Variants in NEBL observed in about 807,000 individuals in gnomAD.
NEBL encodes nebulette.
Under a neutral mutation model 140.2 loss-of-function variants are expected in NEBL, and 122 were observed. The observed-to-expected ratio is 0.87, with a 90% CI of 0.75 to 1.01. The LOEUF is 1.01. NEBL is among the 50% of genes least tolerant of loss of function. The pLI, the probability that NEBL is intolerant of heterozygous loss-of-function variation, is 0.00. For synonymous variants in NEBL, 436 were observed against 398.9 expected (o/e 1.09, Z -1.11); for missense variants, 1,365 against 1,231.3 (o/e 1.11, Z -1.62).
chr10:21,271,308 G>A (rs536578843), intron 1 of NEBL, among the ~76,000 whole-genome samples: 7 of 152,232 alleles, frequency 4.6e-5, no homozygotes, highest in South Asian at 2.1e-4. Flanking sequence ...CTAAAACTTC[G>A]ACTCCTAAAC....
At chr10:21,000,344 C>G (rs887966907) in intron 3 of NEBL, among the ~76,000 whole-genome samples, 1 of 152,054 alleles carries the variant, frequency 6.6e-6, no homozygotes, top group East Asian at 1.9e-4. Context: ...TGAGTGCTAG[C>G]TGGATGGGGT....
chr10:21,238,079 C>T (rs1464280136), intron 3 of NEBL, among the ~76,000 whole-genome samples: 1 of 152,160 alleles, frequency 6.6e-6, no homozygotes, highest in Non-Finnish European at 1.5e-5. Flanking sequence ...ATATGTTCAC[C>T]TAATGAATGC....
intron 19 of NEBL, among the ~76,000 whole-genome samples, chr10:20,820,508 C>T (rs1839192366): frequency 6.6e-6 from 1 of 152,200 alleles, no homozygotes. Flanking sequence ...GAAATCCCCA[C>T]AAGACCTGCA....
intron 3 of NEBL, among the ~76,000 whole-genome samples, chr10:20,991,773 T>G (rs1028189903): frequency 8.8e-5 from 2 of 22,742 alleles, no homozygotes; most frequent in African/African-American, 1.7e-4. Context: ...CCTCCCCCCC[T>G]CCCCTTTTTG....
intron 4 of NEBL, among the ~76,000 whole-genome samples, chr10:20,921,349 C>T (rs544094020): frequency 1.3e-5 from 2 of 152,324 alleles, no homozygotes; most frequent in Admixed American, 1.3e-4. Context: ...AGACCCTGAA[C>T]CTGAGCACTG....
rs776635424 is a variant in NEBL at position 21,289,462 on chromosome 10, ATT to A, written n.182+3366_182+3367del. Among the ~76,000 whole-genome samples the A allele has an allele frequency of 1.9e-3, 287 of 152,348 alleles. 1 individual carries two copies. The highest frequency in any genetic ancestry group is 3.2e-3 in the Non-Finnish European group (216 of 68,036). On this transcript the variant is annotated intron_variant and non_coding_transcript_variant, in intron 1 of 8. Coordinates refer to the NEBL transcript ENST00000675702. ...TTGTTTTTCTAAAATATGCTTTGGA[ATT>A]GTGCCCTTGGCTCACTTAGTTGCTT...
At chr10:20,792,223 T>C (rs1406051892) in intron 26 of NEBL, among the ~76,000 whole-genome samples, 1 of 152,070 alleles carries the variant, frequency 6.6e-6, no homozygotes, top group Non-Finnish European at 1.5e-5. Flanking sequence ...TTTTTTCCTA[T>C]GGGCTTACTT....
intron 3 of NEBL, among the ~76,000 whole-genome samples, chr10:21,001,215 A>C (rs1837882540): frequency 6.6e-6 from 1 of 152,186 alleles, no homozygotes. Context: ...AGAGACAAAA[A>C]GCTAACAGCA....
chr10:20,891,667 T>A (rs1847044586), intron 2 of NEBL, among the ~76,000 whole-genome samples: 1 of 152,208 alleles, frequency 6.6e-6, no homozygotes, highest in Admixed American at 6.5e-5. Flanking sequence ...AGCTCAGTCT[T>A]AATTGTAGAC....
chr10:20,920,111 T>C (rs1833510095), intron 4 of NEBL, among the ~76,000 whole-genome samples: 1 of 152,212 alleles, frequency 6.6e-6, no homozygotes, highest in South Asian at 2.1e-4. Flanking sequence ...TGACATTTTA[T>C]ACCTTTCAAA....
chr10:21,173,513 G>T lies in NEBL; in HGVS notation c.69+252C>A, dbSNP rs1049863091. Among the ~76,000 whole-genome samples the T allele has an allele frequency of 6.6e-6, 1 of 152,104 alleles. No individual in the cohort carries two copies. The highest frequency in any genetic ancestry group is 2.4e-5 in the African/African-American group (1 of 41,450). ...GGCTGCGCACCGCCGTGCGCCCTCC[G>T]CAGAGGCTCTGCCGATGTCGCACCG... On this transcript the variant is annotated intron_variant, in intron 1 of 6. Coordinates refer to the NEBL transcript ENST00000417816. The surrounding 1 kb of genome is among the most constrained non-coding windows in gnomAD (Gnocchi z 5.7).
chr10:20,911,422 C>T (rs909007882), intron 4 of NEBL, among the ~76,000 whole-genome samples: 2 of 152,118 alleles, frequency 1.3e-5, no homozygotes, highest in Non-Finnish European at 2.9e-5. Context: ...ATGGCTGAAA[C>T]CCACATTTTA....
chr10:21,164,146 C>T (rs1274749930), intron 2 of NEBL, among the ~76,000 whole-genome samples: 1 of 152,230 alleles, frequency 6.6e-6, no homozygotes, highest in Non-Finnish European at 1.5e-5. Flanking sequence ...GTTCCTAAAA[C>T]ATTCTGGGTA....
At chr10:20,968,556 T>G (rs151028038) in intron 3 of NEBL, among the ~76,000 whole-genome samples, 1 of 152,026 alleles carries the variant, frequency 6.6e-6, no homozygotes, top group South Asian at 2.1e-4. Context: ...GGAGGAATCA[T>G]AGAAGTTCAA....
At chr10:21,028,489 G>A (rs1375630184) in intron 2 of NEBL, among the ~76,000 whole-genome samples, 1 of 152,082 alleles carries the variant, frequency 6.6e-6, no homozygotes, top group African/African-American at 2.4e-5. Flanking sequence ...AACACACATT[G>A]TGTGGAATAA....
chr10:21,008,801 C>T (rs1184834642), intron 3 of NEBL, among the ~76,000 whole-genome samples: 1 of 152,074 alleles, frequency 6.6e-6, no homozygotes, highest in Non-Finnish European at 1.5e-5. Flanking sequence ...TCGGTACTAT[C>T]TGCAGTTTTC....
intron 1 of NEBL, among the ~76,000 whole-genome samples, chr10:21,272,956 G>A (rs1054227801): frequency 6.6e-6 from 1 of 152,172 alleles, no homozygotes; most frequent in Non-Finnish European, 1.5e-5. Context: ...TGGATGTACA[G>A]AATAGACAAG....
chr10:21,116,527 A>C (rs940685460), intron 2 of NEBL, among the ~76,000 whole-genome samples: 1 of 152,166 alleles, frequency 6.6e-6, no homozygotes, highest in African/African-American at 2.4e-5. Flanking sequence ...TTTGGTAAAG[A>C]TGAGGAGGGT....
chr10:21,094,665 G>T (rs1485660396), intron 2 of NEBL, among the ~76,000 whole-genome samples: 3 of 152,108 alleles, frequency 2.0e-5, no homozygotes, highest in African/African-American at 7.2e-5. Context: ...CTGGATTTTT[G>T]TTGGAAGAAA....
Sources: allele counts gnomAD v4.1 joint callset (sites outside exome capture counted in the v4.1 genomes callset), GRCh38; gene constraint gnomAD v4.1.1; non-coding constraint Gnocchi (gnomAD v3.1); transcripts MANE v1.5; gene names NCBI Gene and HGNC (gene_info 2026-07-23, HGNC 2026-07-21).